The following ZNF33A variants were observed in gnomAD, a reference collection of about 807,000 sequenced individuals.
ZNF33A encodes the protein brain my041 protein.
ZNF33A carries 9 observed loss-of-function variants against 15.9 expected under a neutral mutation model. The ratio of observed to expected loss-of-function variants is 0.57; its 90% CI spans 0.34 to 0.99. The LOEUF is 0.99. Ranked by LOEUF, ZNF33A falls within the 50% of genes least tolerant of loss-of-function variation. ZNF33A has a pLI of 0.02. For missense variants in ZNF33A, 843 were observed against 941.6 expected, an observed-to-expected ratio of 0.90 and a Z score of 1.37; for synonymous variants, 294 against 324.2, an observed-to-expected ratio of 0.91 and a Z score of 1.00.
chr10:38,044,774 T>C (rs1373564163), intron 4 of ZNF33A, among the ~76,000 whole-genome samples: 1 of 151,986 alleles, frequency 6.6e-6, no homozygotes, highest in African/African-American at 2.4e-5. Flanking sequence ...TTCAAGTCAT[T>C]CTCTTGCTTC....
Position 38,055,598 on chromosome 10 carries a change from A to T in ZNF33A, c.1474A>T (p.Ile492Leu), listed in dbSNP as rs1229460407. ...TCTTACACAGCATCAGAGAATTCAC[A>T]TAGGAGATAAATCTTATGAATGTAA... ...SNLTQHQRIHIGDKSYECNAC... is the reference protein window; with the variant it reads ...SNLTQHQRIHLGDKSYECNAC... The change falls in exon 5 of 5, where the codon ATA becomes TTA. Residue 492 changes from isoleucine (I) to leucine (L), a missense_variant. Physicochemically the swap from Ile to Leu is conservative, Grantham distance 5. Transcript: ENST00000432900. 1.2e-6 allele frequency: 2 copies of T among 1,614,026 alleles called. No individual in the cohort carries two copies. The highest frequency in any genetic ancestry group is 1.3e-5 in the African/African-American group (1 of 74,942).
chr10:38,041,282 C>A (rs574234406), intron 4 of ZNF33A, among the ~76,000 whole-genome samples: 1 of 151,324 alleles, frequency 6.6e-6, no homozygotes, highest in South Asian at 2.1e-4. Flanking sequence ...CTCCAAGTGT[C>A]CAGTGTCTCT....
intron 4 of ZNF33A, among the ~76,000 whole-genome samples, chr10:38,022,163 G>A (rs2064774215): frequency 2.0e-5 from 3 of 152,100 alleles, no homozygotes; most frequent in East Asian, 1.9e-4. Context: ...ATTGAAAATA[G>A]GAAAAAGTAG....
rs150112985 is a variant in ZNF33A at position 38,049,330 on chromosome 10, T to G, written c.251-5045T>G. ...CTCATTGATTTCATTGTTTTCCATT[T>G]TGATCCTTACTCCTTTTTTCTACTT... On this transcript the variant is annotated intron_variant, in intron 4 of 4. Coordinates refer to ENST00000432900, the MANE Select transcript of ZNF33A (RefSeq NM_006954.2). 2.7e-3 allele frequency among the ~76,000 whole-genome samples: 417 copies of G among 152,262 alleles called. 4 individuals are homozygous for G. Among genetic ancestry groups the G allele is most frequent in the African/African-American group, 9.5e-3 (393 of 41,582 alleles).
At chr10:38,046,429 G>T (rs2065948693) in intron 4 of ZNF33A, among the ~76,000 whole-genome samples, 1 of 152,146 alleles carries the variant, frequency 6.6e-6, no homozygotes, top group Non-Finnish European at 1.5e-5. Context: ...TTTTCTCCGT[G>T]GTGAGGAGTA....
chr10:38,034,740 G>A (rs910233618), intron 4 of ZNF33A, among the ~76,000 whole-genome samples: 6 of 152,100 alleles, frequency 3.9e-5, no homozygotes, highest in African/African-American at 1.4e-4. Context: ...ACTACAAGAT[G>A]GTCCAGGCTC....
At chr10:38,047,624 C>CAAAAAAAAAAAAAAAAAAAAAAAAA (rs554054575) in intron 4 of ZNF33A, among the ~76,000 whole-genome samples, 3 of 75,010 alleles carry the variant, frequency 4.0e-5, no homozygotes, top group Admixed American at 1.8e-4. Context: ...GACTCTGTCT[C>CAAAAAAAAAAAAAAAAAAAAAAAAA]AAAAAAAAAA....
chr10:38,020,458 G>A (rs1473960303), intron 4 of ZNF33A, among the ~76,000 whole-genome samples: 3 of 151,990 alleles, frequency 2.0e-5, no homozygotes, highest in South Asian at 2.1e-4. Flanking sequence ...TCTTTCTAAA[G>A]GTTTTTTTCT....
rs747954049 is a variant in ZNF33A at position 38,010,737 on chromosome 10, G to C, written c.-91G>C. ...TGGGAGGCGGTCCCGGGATTTCAAG[G>C]GTCTACGCGCTTTTCTATGGCGAAT... On this transcript the variant is annotated 5_prime_UTR_variant, in exon 1 of 5. Transcript: ENST00000432900. The C allele has an allele frequency of 6.3e-7, 1 of 1,598,438 alleles. No homozygotes were observed. The highest frequency in any genetic ancestry group is 8.5e-7 in the Non-Finnish European group (1 of 1,179,802).
intron 4 of ZNF33A, among the ~76,000 whole-genome samples, chr10:38,040,191 A>G (rs1225179334): frequency 1.3e-5 from 2 of 151,888 alleles, no homozygotes. Flanking sequence ...ACTGATTTGT[A>G]ATTTCGACTG....
Position 38,056,743 on chromosome 10 carries a change from A to T in ZNF33A, c.*183A>T, listed in dbSNP as rs2066502543. Reference sequence around the variant, plus strand: ...GTGAAAGTTTTTGGCAAAAATGCAAATAAGGTTATGTTAGAATTTACACTG... The same window carrying T: ...GTGAAAGTTTTTGGCAAAAATGCAATTAAGGTTATGTTAGAATTTACACTG... On this transcript the variant is annotated 3_prime_UTR_variant, in exon 5 of 5. Transcript: ENST00000432900. The T allele has an allele frequency of 8.0e-7, 1 of 1,249,038 alleles. No individual in the cohort carries two copies. Among genetic ancestry groups the T allele is most frequent in the African/African-American group, 1.5e-5 (1 of 64,682 alleles). The allele number at this position is 1,249,038 out of a possible 1,614,324, so 77.4% of individuals were successfully genotyped here. A position where few individuals can be genotyped will look rare whatever the true frequency, so the allele number is the denominator to read the frequency against.
At chr10:38,012,552 C>A (rs1489932625) in intron 2 of ZNF33A, among the ~76,000 whole-genome samples, 3 of 151,428 alleles carry the variant, frequency 2.0e-5, no homozygotes, top group Non-Finnish European at 2.9e-5. Context: ...CTGCCTCAGC[C>A]CCCCGAGTAG....
chr10:38,054,933 C>T lies in ZNF33A; in HGVS notation c.809C>T (p.Ser270Leu). 1 of 1,613,968 alleles carries T rather than the reference C, an allele frequency of 6.2e-7. No homozygotes were observed. The highest frequency in any genetic ancestry group is 8.5e-7 in the Non-Finnish European group (1 of 1,179,986). ...CTCTTGTTCCATCAGATATCTCCGTCAAGGGACAATCACTATGAATTTAGT... is the reference window on the plus strand; with the variant it reads ...CTCTTGTTCCATCAGATATCTCCGTTAAGGGACAATCACTATGAATTTAGT... The part of the protein sequence containing the change: ...SSLLFHQISP[S>L]RDNHYEFSDC... The change falls in exon 5 of 5, where the codon TCA (serine) becomes TTA (leucine). Residue 270 changes from serine (S) to leucine (L), a missense_variant. Physicochemically the swap from Ser to Leu is moderately radical, Grantham distance 145. Coordinates refer to ENST00000432900, the MANE Select transcript of ZNF33A (RefSeq NM_006954.2).
chr10:38,012,250 C>G (rs2064218616), intron 1 of ZNF33A, 48 bp from the exon 2 acceptor site: 5 of 1,592,692 alleles, frequency 3.1e-6, no homozygotes, highest in Non-Finnish European at 4.3e-6. Flanking sequence ...CAGGAGTTGC[C>G]AGGCAGGCCA....
chr10:38,039,440 T>C (rs147056111), intron 4 of ZNF33A: 1 of 454,676 alleles, frequency 2.2e-6, no homozygotes, highest in South Asian at 1.6e-5. Flanking sequence ...GTTCCTGGGC[T>C]GGTCTTAAAC....
downstream of ZNF33A, among the ~76,000 whole-genome samples, chr10:38,062,660 G>A (rs761285750): frequency 6.6e-6 from 1 of 152,006 alleles, no homozygotes; most frequent in Non-Finnish European, 1.5e-5. Context: ...GTGAGCTATG[G>A]TGGTGCCACT....
At chr10:38,042,201 T>C (rs574715340) in intron 4 of ZNF33A, among the ~76,000 whole-genome samples, 84 of 152,120 alleles carry the variant, frequency 5.5e-4, no homozygotes, top group Admixed American at 1.8e-3. Flanking sequence ...TTTTTTTTTT[T>C]CCCCTGGGAG....
At chr10:38,020,245 G>A (rs2064675230) in intron 4 of ZNF33A, among the ~76,000 whole-genome samples, 1 of 152,112 alleles carries the variant, frequency 6.6e-6, no homozygotes, top group Non-Finnish European at 1.5e-5. Flanking sequence ...ATTTTTGTGA[G>A]TACATAGTAG....
Position 38,056,915 on chromosome 10 carries a change from T to G in ZNF33A, c.*355T>G. 1.0e-6 allele frequency: 1 copy of G among 965,630 alleles called. No homozygotes were observed. The allele number at this position is 965,630 out of a possible 1,614,324, so 59.8% of individuals were successfully genotyped here. On this transcript the variant is annotated 3_prime_UTR_variant, in exon 5 of 5. Transcript: ENST00000432900. Reference sequence around the variant, plus strand: ...GATGTATATTGTGGAATGTAAAGCTTTAAGAACTTAAACAAAGGTAATAAT... The same window carrying G: ...GATGTATATTGTGGAATGTAAAGCTGTAAGAACTTAAACAAAGGTAATAAT...
Sources: allele counts gnomAD v4.1 joint callset (sites outside exome capture counted in the v4.1 genomes callset), GRCh38; gene constraint gnomAD v4.1.1; transcripts MANE v1.5; gene names NCBI Gene and HGNC (gene_info 2026-07-23, HGNC 2026-07-21).